BZW2: variants seen among roughly 807,000 people sequenced by gnomAD.
The protein encoded by BZW2 is basic leucine zipper and W2 domains 2.
BZW2 carries 23 observed loss-of-function variants against 53.2 expected under a neutral mutation model. The ratio of observed to expected loss-of-function variants is 0.43; its 90% CI spans 0.31 to 0.61. BZW2 has a LOEUF of 0.61. Ranked by LOEUF, BZW2 falls within the 20% of genes least tolerant of loss-of-function variation. The pLI is 0.09. For missense variants in BZW2, 409 were observed against 503.1 expected (o/e 0.81, Z 1.79); for synonymous variants, 227 against 186.4 (o/e 1.22, Z -1.77).
chr7:16,652,113 A>G (rs954982048), intron 1 of BZW2, among the ~76,000 whole-genome samples: 1 of 152,160 alleles, frequency 6.6e-6, no homozygotes, highest in African/African-American at 2.4e-5. Flanking sequence ...TGTCTTACCA[A>G]TGCTAGAATG....
intron 3 of BZW2, among the ~76,000 whole-genome samples, chr7:16,678,508 T>C (rs1782837975): frequency 6.6e-6 from 1 of 152,202 alleles, no homozygotes. Context: ...AGCAAAAATT[T>C]TAATGCAAGA....
chr7:16,659,229 C>T (rs936761265), intron 1 of BZW2, among the ~76,000 whole-genome samples: 9 of 152,058 alleles, frequency 5.9e-5, no homozygotes, highest in Admixed American at 1.3e-4. Context: ...CCAAATAACT[C>T]GTGTCATGTT....
chr7:16,658,586 A>G (rs1422103483), intron 1 of BZW2, among the ~76,000 whole-genome samples: 1 of 152,106 alleles, frequency 6.6e-6, no homozygotes, highest in African/African-American at 2.4e-5. Context: ...ATATAAAAAT[A>G]TTGCTGTCGG....
chr7:16,664,102 A>G (rs181414280), intron 1 of BZW2, among the ~76,000 whole-genome samples: 2 of 152,270 alleles, frequency 1.3e-5, no homozygotes, highest in Admixed American at 1.3e-4. Context: ...TTTTTCCACT[A>G]TCAATATCCC....
intron 7 of BZW2, among the ~76,000 whole-genome samples, chr7:16,691,794 C>T (rs1473509932): frequency 2.0e-5 from 3 of 152,130 alleles, no homozygotes; most frequent in African/African-American, 7.2e-5. Flanking sequence ...CAACTATAGC[C>T]TGGTTAGCTT....
chr7:16,680,434 A>G (rs1175952939), intron 3 of BZW2, among the ~76,000 whole-genome samples: 1 of 152,224 alleles, frequency 6.6e-6, no homozygotes, highest in East Asian at 1.9e-4. Context: ...TAGTGAAGGC[A>G]AGGATGTGGA....
At chr7:16,681,474 C>T (rs751810070) in intron 4 of BZW2, 70 bp downstream of exon 4, 40 of 1,248,856 alleles carry the variant, frequency 3.2e-5, no homozygotes, top group Non-Finnish European at 2.3e-5. Flanking sequence ...CTCTACAGTC[C>T]ACCCACTTTT....
At chr7:16,656,598 A>ACACACAC (rs1562475777) in intron 1 of BZW2, among the ~76,000 whole-genome samples, 5 of 122,624 alleles carry the variant, frequency 4.1e-5, no homozygotes, top group African/African-American at 1.9e-4. Context: ...CACACACACA[A>ACACACAC]GTAGGTTTAG....
Position 16,673,890 on chromosome 7 carries a change from G to A in BZW2, c.59-522G>A, listed in dbSNP as rs184791787. On this transcript the variant is annotated intron_variant, in intron 2 of 11. Coordinates refer to ENST00000258761, the MANE Select transcript of BZW2 (RefSeq NM_014038.3). ...TAAATATTTAAGTACTCTGCAATAA[G>A]TTATTATTATTATTTTTAATTTTTT... Among the ~76,000 whole-genome samples, 34 of 152,080 alleles carry A rather than the reference G, an allele frequency of 2.2e-4. 1 individual carries two copies. Among genetic ancestry groups the A allele is most frequent in the African/African-American group, 6.5e-4 (27 of 41,506 alleles).
intron 1 of BZW2, among the ~76,000 whole-genome samples, chr7:16,657,090 G>A (rs568254200): frequency 1.3e-5 from 2 of 152,250 alleles, no homozygotes; most frequent in East Asian, 3.9e-4. Context: ...ATCTTTTTAT[G>A]CAAAAATGTT....
chr7:16,677,136 AGCCATT>A (rs1782791109), intron 3 of BZW2, among the ~76,000 whole-genome samples: 1 of 150,630 alleles, frequency 6.6e-6, no homozygotes, highest in Non-Finnish European at 1.5e-5. Context: ...CAAAGAGGGT[AGCCATT>A]GCTGGCTTGA....
chr7:16,700,412 G>T (rs187580979), intron 10 of BZW2, among the ~76,000 whole-genome samples: 215 of 152,214 alleles, frequency 1.4e-3, no homozygotes, highest in Admixed American at 2.7e-3. Flanking sequence ...ACATGTATTT[G>T]ATTTGTTTCT....
At chr7:16,699,806 C>T (rs1783614039) in intron 10 of BZW2, among the ~76,000 whole-genome samples, 1 of 152,164 alleles carries the variant, frequency 6.6e-6, no homozygotes, top group Admixed American at 6.6e-5. Flanking sequence ...TTCCTTTAGA[C>T]TTAGACTTCT....
intron 1 of BZW2, among the ~76,000 whole-genome samples, chr7:16,646,563 C>A (rs1781868327): frequency 6.6e-6 from 1 of 152,206 alleles, no homozygotes; most frequent in Non-Finnish European, 1.5e-5. Context: ...GGGCCAGCCA[C>A]GCGGTGGGAA....
At chr7:16,672,183 C>G (rs540565735) in intron 2 of BZW2, among the ~76,000 whole-genome samples, 38 of 152,194 alleles carry the variant, frequency 2.5e-4, no homozygotes, top group African/African-American at 8.9e-4. Flanking sequence ...GTGCTGGGTT[C>G]CCAGACAGCC....
chr7:16,646,943 G>C (rs1036528592), intron 1 of BZW2, among the ~76,000 whole-genome samples: 4 of 152,146 alleles, frequency 2.6e-5, no homozygotes, highest in Non-Finnish European at 1.5e-5. Context: ...CTCAGATCTT[G>C]AGATTTATGG....
In BZW2 at chr7:16,674,568, T is replaced by A. The variant is rs772938890; in HGVS notation, c.215T>A (p.Leu72Gln). 6.2e-7 allele frequency: 1 copy of A among 1,603,420 alleles called. No homozygotes were observed. Among genetic ancestry groups the A allele is most frequent in the Non-Finnish European group, 8.5e-7 (1 of 1,174,340 alleles). The part of the protein sequence containing the change: ...RRYADTLFDI[L>Q]VAGSMLAPGG... Reference sequence around the variant, plus strand: ...TATGCAGACACACTCTTCGATATCCTGGTGGCTGGCAGTATGCTTGGTAAA... The same window carrying A: ...TATGCAGACACACTCTTCGATATCCAGGTGGCTGGCAGTATGCTTGGTAAA... The change falls in exon 3 of 12, where the codon CTG becomes CAG. Residue 72 changes from leucine to glutamine, a missense_variant. Leu to Gln is a moderately radical substitution (Grantham distance 113, BLOSUM62 -2). Around this residue, in one of 3 missense-constraint regions of BZW2, gnomAD observed 316 missense variants for 366.8 expected, o/e 0.86. Coordinates refer to ENST00000258761, the MANE Select transcript of BZW2 (RefSeq NM_014038.3).
intron 1 of BZW2, chr7:16,662,340 T>A (rs1177547414): frequency 6.6e-6 from 1 of 152,176 alleles, no homozygotes; most frequent in African/African-American, 2.4e-5. Context: ...ATCATGTGTT[T>A]CTCCACATGG....
intron 10 of BZW2, among the ~76,000 whole-genome samples, chr7:16,701,183 T>C (rs1458795847): frequency 1.3e-5 from 2 of 152,180 alleles, no homozygotes; most frequent in African/African-American, 4.8e-5. Flanking sequence ...AAATCTAGAT[T>C]TGCATATTTT....
Sources: allele counts gnomAD v4.1 joint callset (sites outside exome capture counted in the v4.1 genomes callset), GRCh38; gene constraint gnomAD v4.1.1; regional missense constraint gnomAD v4.1.1; transcripts MANE v1.5; gene names NCBI Gene and HGNC (gene_info 2026-07-23, HGNC 2026-07-21).